The following MS4A14 variants were observed in gnomAD, a reference collection of about 807,000 sequenced individuals.
The protein encoded by MS4A14 is membrane spanning 4-domains A14, also known as membrane-spanning 4-domains subfamily A member 14.
Under a neutral mutation model 16.7 loss-of-function variants are expected in MS4A14, and 18 were observed. That is an observed-to-expected ratio of 1.08 (90% CI 0.75 to 1.60). The LOEUF is 1.60. Ranked by LOEUF, MS4A14 falls within the 40% of genes most tolerant of loss-of-function variation. The probability of loss-of-function intolerance (pLI) is 0.00; values close to 1 mark genes in which losing one functional copy is unlikely to be tolerated. For missense variants in MS4A14, 812 were observed against 775.3 expected, an observed-to-expected ratio of 1.05 and a Z score of -0.56; for synonymous variants, 305 against 289.4, an observed-to-expected ratio of 1.05 and a Z score of -0.55.
chr11:60,401,577 A>G (rs2085713991), intron 3 of MS4A14, among the ~76,000 whole-genome samples: 1 of 152,210 alleles, frequency 6.6e-6, no homozygotes, highest in Non-Finnish European at 1.5e-5. Flanking sequence ...ACAAACCGTG[A>G]AAGTGATTGC....
intron 4 of MS4A14, chr11:60,404,814 G>T: frequency 7.5e-6 from 2 of 267,868 alleles, no homozygotes; most frequent in Non-Finnish European, 1.5e-5. Context: ...CTTCTTCACA[G>T]CATTTATCAC....
At chr11:60,397,794 G>T in intron 1 of MS4A14, 58 bp from the exon 2 acceptor site, 2 of 1,576,660 alleles carry the variant, frequency 1.3e-6, no homozygotes, top group South Asian at 1.2e-5. Context: ...AGGGACGTGG[G>T]GTAGCCCACA....
chr11:60,397,734 G>A (rs2085647773), intron 1 of MS4A14, 118 bp from the exon 2 acceptor site: 2 of 886,190 alleles, frequency 2.3e-6, no homozygotes, highest in African/African-American at 1.7e-5. Flanking sequence ...ACAAATGAGA[G>A]AGGAAGGCAT....
In MS4A14 at chr11:60,397,852, G is replaced by T. The variant is rs1009515068; in HGVS notation, c.139G>T (p.Ala47Ser). The T allele has an allele frequency of 3.7e-6, 6 of 1,607,808 alleles. No homozygotes were observed. In the African/African-American group the frequency reaches 6.8e-5, roughly 18 times the overall value. Residue 47 changes from alanine to serine, a missense_variant and splice_region_variant, in exon 2 of 5, where the codon GCT becomes TCT. By Grantham distance (99) the Ala-to-Ser change is moderately conservative. Coordinates refer to ENST00000300187, the MANE Select transcript of MS4A14 (RefSeq NM_032597.5). ...CATGTACCCATTTCTCTCCTCACAG[G>T]CTACCCAGATCCTGCTTGCTCTAAT... Reference protein sequence around the residue: ...FLKGEPRVLGATQILLALIIV... With the variant: ...FLKGEPRVLGSTQILLALIIV...
At chr11:60,410,488 G>T (rs2085852485) in intron 4 of MS4A14, among the ~76,000 whole-genome samples, 1 of 149,340 alleles carries the variant, frequency 6.7e-6, no homozygotes, top group African/African-American at 2.5e-5. Context: ...TGTTTTCTGT[G>T]CCTTTCTTGT....
chr11:60,398,471 A>C (rs1251350448), intron 2 of MS4A14, among the ~76,000 whole-genome samples: 1 of 152,164 alleles, frequency 6.6e-6, no homozygotes, highest in Non-Finnish European at 1.5e-5. Flanking sequence ...TATTATTCTT[A>C]ATACAGTGCT....
chr11:60,405,810 T>C, intron 4 of MS4A14: 4 of 1,025,034 alleles, frequency 3.9e-6, no homozygotes, highest in Non-Finnish European at 5.8e-6. Flanking sequence ...GGTGATAGAG[T>C]GTAAGGGGTT....
Position 60,416,351 on chromosome 11 carries a change from A to G in MS4A14, c.1383A>G (p.Arg461=), listed in dbSNP as rs143398166. 1.8e-4 allele frequency: 292 copies of G among 1,614,018 alleles called. No individual in the cohort carries two copies. The highest frequency in any genetic ancestry group is 2.4e-4 in the Non-Finnish European group (287 of 1,179,962). Residue 461 remains arginine (R), a synonymous_variant, in exon 5 of 5, where the codon AGA becomes AGG. Coordinates refer to ENST00000300187, the MANE Select transcript of MS4A14 (RefSeq NM_032597.5). Reference sequence around the variant, plus strand: ...TACAAATGTCATATCAAGATATTAGATCAGAAGTTATGGAAGAGACCAAAG... The same window carrying G: ...TACAAATGTCATATCAAGATATTAGGTCAGAAGTTATGGAAGAGACCAAAG... ...QILQMSYQDI[R]SEVMEETKEW...
intron 4 of MS4A14, among the ~76,000 whole-genome samples, chr11:60,407,688 A>G (rs2085808442): frequency 6.6e-6 from 1 of 151,578 alleles, no homozygotes; most frequent in South Asian, 2.1e-4. Flanking sequence ...TGATGATGAC[A>G]CTCTTGCTAT....
At chr11:60,402,657 G>A (rs1308014572) in intron 3 of MS4A14, among the ~76,000 whole-genome samples, 2 of 152,120 alleles carry the variant, frequency 1.3e-5, no homozygotes, top group Admixed American at 6.6e-5. Context: ...GATAAAATGA[G>A]ATAAAATGGG....
Position 60,417,393 on chromosome 11 carries a change from A to T in MS4A14, c.*385A>T, listed in dbSNP as rs2085963992. 2 of 158,952 alleles carry T rather than the reference A, an allele frequency of 1.3e-5. No individual in the cohort carries two copies. The highest frequency in any genetic ancestry group is 1.2e-4 in the Admixed American group (2 of 16,424). The allele number at this position is 158,952 out of a possible 1,614,324, so 9.8% of individuals were successfully genotyped here. ...TTGTCCAATCTAGATTCAGAACAAG[A>T]TGTGCAACCAGACACTTCAGCTTCC... On this transcript the variant is annotated 3_prime_UTR_variant, in exon 5 of 5. Transcript: ENST00000300187.
rs1565181435 is a variant in MS4A14, at chr11:60,416,348, TAGATC to T, written c.1384_1388del (p.Glu463TyrfsTer10). ...TTTTACAAATGTCATATCAAGATAT[TAGATC>T]AGAAGTTATGGAAGAGACCAAAGAA... On this transcript the variant is annotated frameshift_variant, in exon 5 of 5. Transcript: ENST00000300187. LOFTEE classifies it low-confidence loss of function (END_TRUNC). 2 of 1,613,948 alleles carry T rather than the reference TAGATC, an allele frequency of 1.2e-6. No homozygotes were observed. Among genetic ancestry groups the T allele is most frequent in the Non-Finnish European group, 1.7e-6 (2 of 1,179,932 alleles).
chr11:60,409,276 C>A lies in MS4A14; in HGVS notation c.469-6161C>A, dbSNP rs148331473. Among the ~76,000 whole-genome samples the A allele has an allele frequency of 3.4e-4, 51 of 152,182 alleles. No individual in the cohort carries two copies. The East Asian group carries it at 9.8e-3, about 29-fold the overall frequency. On this transcript the variant is annotated intron_variant, in intron 4 of 4. Transcript: ENST00000300187. ...GTAAGTAAGAACTTACTCTTCCTGT[C>A]TAGAATTTTATACCCATTGACCAAT...
intron 4 of MS4A14, chr11:60,404,470 G>A: frequency 2.2e-6 from 1 of 446,668 alleles, no homozygotes; most frequent in Non-Finnish European, 4.5e-6. Context: ...AACGTATGAT[G>A]ATTAAGACCC....
In MS4A14 at chr11:60,416,061, A is replaced by G. The variant is rs753002112; in HGVS notation, c.1093A>G (p.Thr365Ala). ...CCCTCAAGGCATACTATCCCAAGAC[A>G]CATCATCTCAAGATATGCTGTTTCA... ...LPPQGILSQD[T>A]SSQDMLFHDM... Residue 365 changes from threonine to alanine, a missense_variant, in exon 5 of 5, where the codon ACA (threonine) becomes GCA (alanine). By Grantham distance (58) the Thr-to-Ala change is moderately conservative. Coordinates refer to ENST00000300187, the MANE Select transcript of MS4A14 (RefSeq NM_032597.5). 6.2e-7 allele frequency: 1 copy of G among 1,612,760 alleles called. No homozygotes were observed. Among genetic ancestry groups the G allele is most frequent in the South Asian group, 1.1e-5 (1 of 90,916 alleles).
At position 60,416,116 on chromosome 11, in the gene MS4A14, T is replaced by C. The variant is rs1401000811; in HGVS notation, c.1148T>C (p.Leu383Pro). 1 of 1,609,444 alleles carries C rather than the reference T, an allele frequency of 6.2e-7. No individual in the cohort carries two copies. ...HDMTSQDMQS[L>P]DMLSQDTPSH... The stretch of plus-strand genomic sequence containing the variant: ...ATGACATCCCAAGATATGCAATCCC[T>C]AGATATGCTATCTCAAGACACACCA... Residue 383 changes from leucine to proline, a missense_variant, in exon 5 of 5, where the codon CTA (leucine) becomes CCA (proline). Physicochemically the swap from Leu to Pro is moderately conservative, Grantham distance 98 (BLOSUM62 -3). Transcript: ENST00000300187.
chr11:60,406,104 ATAAAACATC>A, intron 4 of MS4A14: 1 of 656,562 alleles, frequency 1.5e-6, no homozygotes, highest in Non-Finnish European at 2.4e-6. Context: ...AGATGCTGAA[ATAAAACATC>A]TAAATTTAGG....
chr11:60,412,957 G>T (rs1051090263), intron 4 of MS4A14, among the ~76,000 whole-genome samples: 4 of 151,856 alleles, frequency 2.6e-5, no homozygotes, highest in African/African-American at 9.7e-5. Context: ...TTAGTAATAT[G>T]TAGTCTTCTG....
At chr11:60,402,604 T>G (rs1485073543) in intron 3 of MS4A14, among the ~76,000 whole-genome samples, 2 of 152,228 alleles carry the variant, frequency 1.3e-5, no homozygotes, top group Non-Finnish European at 2.9e-5. Flanking sequence ...CAAAGATATT[T>G]GCTAACACAT....
Sources: gnomAD v4.1 joint callset for allele counts (sites outside exome capture counted in the v4.1 genomes callset) on GRCh38, gnomAD v4.1.1 for gene constraint, MANE v1.5 for transcripts, NCBI Gene and HGNC (gene_info 2026-07-23, HGNC 2026-07-21) for gene names.